The following REDIC1 variants were observed in gnomAD, a reference collection of about 807,000 sequenced individuals.
REDIC1 encodes the protein HEI10 Interacting Protein 1.
the REDIC1 span, among the ~76,000 whole-genome samples, chr12:39,809,616 AT>A: frequency 6.0e-4 from 91 of 152,278 alleles, no homozygotes; most frequent in African/African-American, 1.9e-3. Context: ...TTAACTCGTC[AT>A]TTAGCATCAG....
At chr12:39,713,522 A>C in the REDIC1 span, among the ~76,000 whole-genome samples, 1 of 149,758 alleles carries the variant, frequency 6.7e-6, no homozygotes, top group Non-Finnish European at 1.5e-5. Context: ...ATGCGTGCAT[A>C]CATGTGTACA....
the REDIC1 span, chr12:39,760,168 A>G: frequency 6.2e-7 from 1 of 1,612,962 alleles, no homozygotes; most frequent in Non-Finnish European, 8.5e-7. Context: ...AATTTCCTCT[A>G]ATTTTTTGCC....
chr12:39,672,807 T>C, the REDIC1 span, among the ~76,000 whole-genome samples: 1 of 152,134 alleles, frequency 6.6e-6, no homozygotes, highest in Non-Finnish European at 1.5e-5. Context: ...CAGGGATATG[T>C]AGATGCAAGG....
chr12:39,641,519 G>A, the REDIC1 span, among the ~76,000 whole-genome samples: 1 of 151,640 alleles, frequency 6.6e-6, no homozygotes, highest in South Asian at 2.1e-4. Flanking sequence ...GCAAGGGGAA[G>A]GAAGGAGAGG....
At chr12:39,701,116 G>T in the REDIC1 span, among the ~76,000 whole-genome samples, 3 of 13,828 alleles carry the variant, frequency 2.2e-4, no homozygotes, top group Non-Finnish European at 9.4e-4. Flanking sequence ...TGGACTAAAT[G>T]CTCCAATTAA....
the REDIC1 span, among the ~76,000 whole-genome samples, chr12:39,651,552 C>G: frequency 6.6e-6 from 1 of 152,108 alleles, no homozygotes; most frequent in African/African-American, 2.4e-5. Flanking sequence ...TCCTTCAACT[C>G]TCAATGTCCA....
chr12:39,700,147 T>C, the REDIC1 span, among the ~76,000 whole-genome samples: 2 of 151,910 alleles, frequency 1.3e-5, no homozygotes, highest in African/African-American at 2.4e-5. Flanking sequence ...CTCCGAGCTA[T>C]GGGAGGACAT....
the REDIC1 span, among the ~76,000 whole-genome samples, chr12:39,852,798 GA>G: frequency 1.3e-5 from 2 of 152,182 alleles, no homozygotes; most frequent in African/African-American, 4.8e-5. Flanking sequence ...GATTGGTTGT[GA>G]CCTCGTCTTC....
the REDIC1 span, among the ~76,000 whole-genome samples, chr12:39,800,553 C>T: frequency 9.3e-6 from 1 of 107,780 alleles, no homozygotes; most frequent in Non-Finnish European, 1.9e-5. Context: ...GAGATATCAT[C>T]TCACACCAGT....
At chr12:39,737,698 CTGTT>C in the REDIC1 span, among the ~76,000 whole-genome samples, 1 of 152,220 alleles carries the variant, frequency 6.6e-6, no homozygotes, top group Non-Finnish European at 1.5e-5. Flanking sequence ...AACCAAAAGT[CTGTT>C]TGACTTCAAA....
chr12:39,787,498 C>A, the REDIC1 span, among the ~76,000 whole-genome samples: 13 of 151,966 alleles, frequency 8.6e-5, no homozygotes, highest in Non-Finnish European at 1.9e-4. Context: ...TATTTTTTTC[C>A]TTCAGTTCAC....
the REDIC1 span, chr12:39,716,765 C>G: frequency 6.2e-7 from 1 of 1,600,270 alleles, no homozygotes; most frequent in Non-Finnish European, 8.5e-7. Flanking sequence ...GCTCTTGATT[C>G]TGCACAGAGT....
At chr12:39,904,467 T>C in the REDIC1 span, among the ~76,000 whole-genome samples, 1 of 152,158 alleles carries the variant, frequency 6.6e-6, no homozygotes, top group African/African-American at 2.4e-5. Context: ...AGGCCTGCCA[T>C]GTTAACTGTT....
At chr12:39,905,286 T>C in the REDIC1 span, among the ~76,000 whole-genome samples, 1 of 152,150 alleles carries the variant, frequency 6.6e-6, no homozygotes, top group Non-Finnish European at 1.5e-5. Flanking sequence ...GTCTTGCTGC[T>C]CTGGCTGCTC....
chr12:39,830,316 C>T, the REDIC1 span: 4 of 1,535,668 alleles, frequency 2.6e-6, no homozygotes, highest in Non-Finnish European at 3.5e-6. Flanking sequence ...CTGCATTTTC[C>T]ACTCTCTTGT....
At chr12:39,710,352 C>G in the REDIC1 span, among the ~76,000 whole-genome samples, 1 of 151,742 alleles carries the variant, frequency 6.6e-6, no homozygotes, top group African/African-American at 2.4e-5. Flanking sequence ...AAAATTCAGG[C>G]TATTTGAAAG....
the REDIC1 span, among the ~76,000 whole-genome samples, chr12:39,626,966 A>G: frequency 6.6e-3 from 1,002 of 152,324 alleles, 8 homozygotes; most frequent in African/African-American, 0.023. Flanking sequence ...TATATAACCT[A>G]TTCATTGTTA....
the REDIC1 span, among the ~76,000 whole-genome samples, chr12:39,676,046 TA>T: frequency 2.0e-5 from 3 of 151,934 alleles, no homozygotes; most frequent in South Asian, 6.2e-4. Context: ...CAAGTTTCCG[TA>T]ACACCCCCAA....
the REDIC1 span, chr12:39,716,972 G>T: frequency 3.9e-6 from 2 of 511,184 alleles, no homozygotes; most frequent in African/African-American, 2.0e-5. Flanking sequence ...AAACAAAAAG[G>T]TAAAAAATTT....
Sources: allele counts gnomAD v4.1 joint callset (sites outside exome capture counted in the v4.1 genomes callset), GRCh38; gene constraint gnomAD v4.1.1; transcripts MANE v1.5; gene names NCBI Gene and HGNC (gene_info 2026-07-23, HGNC 2026-07-21).